The following COL5A1 variants were observed in gnomAD, a reference collection of about 807,000 sequenced individuals.
COL5A1 encodes the protein collagen type V alpha 1 chain.
Under a neutral mutation model 263.7 loss-of-function variants are expected in COL5A1, and 16 were observed. That is an observed-to-expected ratio of 0.06 (90% confidence interval 0.04 to 0.09). The LOEUF (loss-of-function observed/expected upper bound fraction) is 0.09. Among genes scored for constraint, COL5A1 ranks in the 10% least tolerant of loss-of-function variants. The pLI, the probability that COL5A1 is intolerant of heterozygous loss-of-function variation, is 1.00. For missense variants in COL5A1, 2,036 were observed against 2,540.5 expected, an observed-to-expected ratio of 0.80 and a Z score of 4.27; for synonymous variants, 1,012 against 1,004.5, an observed-to-expected ratio of 1.01 and a Z score of -0.14.
chr9:134,764,665 G>A (rs1171960790), intron 20 of COL5A1, among the ~76,000 whole-genome samples: 1 of 152,146 alleles, frequency 6.6e-6, no homozygotes, highest in Non-Finnish European at 1.5e-5. Context: ...GTCAGGTGGT[G>A]CTAATTGATG....
At chr9:134,804,270 G>A (rs890426290) in intron 39 of COL5A1, among the ~76,000 whole-genome samples, 6 of 152,174 alleles carry the variant, frequency 3.9e-5, no homozygotes, top group Admixed American at 6.5e-5. Flanking sequence ...TGACCTGCTC[G>A]TTTGAAAACA....
chr9:134,657,782 C>T (rs1832066929), intron 1 of COL5A1, among the ~76,000 whole-genome samples: 1 of 151,762 alleles, frequency 6.6e-6, no homozygotes, highest in Non-Finnish European at 1.5e-5. Flanking sequence ...TGGGACAGGA[C>T]CTGCCTGGAC....
chr9:134,737,855 T>A (rs1835159813), intron 9 of COL5A1, among the ~76,000 whole-genome samples: 1 of 151,778 alleles, frequency 6.6e-6, no homozygotes, highest in Non-Finnish European at 1.5e-5. Context: ...TGTGGTGAGG[T>A]GAGGGCCAGA....
At position 134,794,491 on chromosome 9, in the gene COL5A1, G is replaced by A. The variant is rs61326243; in HGVS notation, c.2701-591G>A. Among the ~76,000 whole-genome samples the A allele has an allele frequency of 0.064, 9,776 of 151,974 alleles. 471 individuals carry two copies. Among genetic ancestry groups the A allele is most frequent in the African/African-American group, 0.13 (5,212 of 41,314 alleles). ...TCTTTGCACTGCATTTGTTTTCTGT[G>A]GTTTGGAAAATGCAAAACAACAACA... On this transcript the variant is annotated intron_variant, in intron 32 of 65. Coordinates refer to ENST00000371817, the MANE Select transcript of COL5A1 (RefSeq NM_000093.5). This position sits in a 1 kb window ranked among gnomAD's most constrained non-coding sequence, Gnocchi z 4.3.
chr9:134,826,336 C>T (rs1209429206), intron 63 of COL5A1, among the ~76,000 whole-genome samples: 2 of 152,230 alleles, frequency 1.3e-5, no homozygotes, highest in African/African-American at 4.8e-5. Context: ...CAGCCTGTTT[C>T]TGTGGGTTGG....
In COL5A1 at chr9:134,754,404, C is replaced by A; in HGVS notation, c.1827+78C>A. ...AGCCCAAATCTGGGGTGCGGGCACC[C>A]CCAACAGCCAGCTGGGCCACATGAA... is the stretch of plus-strand genomic sequence containing the variant. On this transcript the variant is annotated intron_variant, in intron 16 of 65. Transcript: ENST00000371817. The surrounding 1 kb of genome is among the most constrained non-coding windows in gnomAD (Gnocchi z 4.3). 1 of 1,532,542 alleles carries A rather than the reference C, an allele frequency of 6.5e-7. No homozygotes were observed. Among genetic ancestry groups the A allele is most frequent in the Non-Finnish European group, 9.0e-7 (1 of 1,107,116 alleles). The allele number at this position is 1,532,542 out of a possible 1,614,324, so 94.9% of individuals were successfully genotyped here. A position where few individuals can be genotyped will look rare whatever the true frequency, so the allele number is the denominator to read the frequency against.
intron 18 of COL5A1, among the ~76,000 whole-genome samples, chr9:134,760,218 C>T (rs1836286990): frequency 7.9e-6 from 1 of 126,526 alleles, no homozygotes; most frequent in Non-Finnish European, 1.6e-5. Context: ...CACACATGCA[C>T]ACACCACATG....
chr9:134,662,621 C>G (rs1198431670), intron 1 of COL5A1, among the ~76,000 whole-genome samples: 1 of 152,166 alleles, frequency 6.6e-6, no homozygotes, highest in Non-Finnish European at 1.5e-5. Context: ...AGAGAGCAGC[C>G]CAGATGGAAG....
intron 11 of COL5A1, among the ~76,000 whole-genome samples, chr9:134,748,062 C>T (rs913886679): frequency 6.6e-6 from 1 of 152,100 alleles, no homozygotes; most frequent in African/African-American, 2.4e-5. Flanking sequence ...TGCATTCACA[C>T]ATGCACACAC....
intron 13 of COL5A1, 51 bp downstream of exon 13, chr9:134,750,933 A>G: frequency 1.4e-6 from 2 of 1,480,966 alleles, no homozygotes; most frequent in Non-Finnish European, 1.9e-6. Flanking sequence ...GCCCAGCCCC[A>G]GGGGCCAACA....
In COL5A1 at chr9:134,811,500, C is replaced by T. The variant is rs370349155; in HGVS notation, c.3591C>T (p.Asp1197=). The stretch of plus-strand genomic sequence containing the variant: ...CGGTTATTTCCCTGCAGGGAGCTGA[C>T]GGCGAGCCGGGGCCTCGGGGCCAGC... The part of the protein sequence containing the change: ...PIGQPGPSGA[D]GEPGPRGQQG... Residue 1197 remains aspartate (D), a synonymous_variant, in exon 46 of 66, where the codon GAC becomes GAT. Transcript: ENST00000371817. The T allele has an allele frequency of 4.9e-4, 791 of 1,612,822 alleles. No homozygotes were observed. Among genetic ancestry groups the T allele is most frequent in the Non-Finnish European group, 6.2e-4 (728 of 1,179,430 alleles).
Position 134,682,415 on chromosome 9 carries a change from G to C in COL5A1, c.110-8497G>C, listed in dbSNP as rs1395338731. ...GGTGAACATGGGGCAGAGAGATCGG[G>C]CTGGGCCAGCACACTTCCCCAGAGA... On this transcript the variant is annotated intron_variant, in intron 1 of 65. Coordinates refer to ENST00000371817, the MANE Select transcript of COL5A1 (RefSeq NM_000093.5). This position sits in a 1 kb window ranked among gnomAD's most constrained non-coding sequence, Gnocchi z 5.1. Among the ~76,000 whole-genome samples the C allele has an allele frequency of 6.6e-6, 1 of 152,190 alleles. No homozygotes were observed. Among genetic ancestry groups the C allele is most frequent in the African/African-American group, 2.4e-5 (1 of 41,434 alleles).
rs1832752099 is a variant in COL5A1 at position 134,678,820 on chromosome 9, T to C, written c.110-12092T>C. On this transcript the variant is annotated intron_variant, in intron 1 of 65. Transcript: ENST00000371817. This position sits in a 1 kb window ranked among gnomAD's most constrained non-coding sequence, Gnocchi z 5.5. ...GGAGCTAAATGCCGTTGGAACTGGG[T>C]GGCCCCTGAAGTGTCTGCTTTTTGC... 6.6e-6 allele frequency among the ~76,000 whole-genome samples: 1 copy of C among 152,278 alleles called. No homozygotes were observed. The highest frequency in any genetic ancestry group is 1.9e-4 in the East Asian group (1 of 5,172).
chr9:134,750,299 G>C (rs1835726769), intron 11 of COL5A1, among the ~76,000 whole-genome samples: 1 of 152,164 alleles, frequency 6.6e-6, no homozygotes, highest in African/African-American at 2.4e-5. Flanking sequence ...TCTATATCCA[G>C]CTCAGACCTC....
At chr9:134,687,494 C>A (rs1176458962) in intron 1 of COL5A1, among the ~76,000 whole-genome samples, 1 of 152,172 alleles carries the variant, frequency 6.6e-6, no homozygotes, top group African/African-American at 2.4e-5. Flanking sequence ...ATCCATCCAT[C>A]CATCCACCAT....
At chr9:134,645,300 C>T (rs1252448717) in intron 1 of COL5A1, among the ~76,000 whole-genome samples, 4 of 152,252 alleles carry the variant, frequency 2.6e-5, no homozygotes, top group African/African-American at 7.2e-5. Flanking sequence ...CTGCCCGTCC[C>T]GCCCTGCCTT....
chr9:134,811,433 C>A (rs568599193), intron 45 of COL5A1, 41 bp downstream of exon 45: 7 of 1,613,178 alleles, frequency 4.3e-6, no homozygotes, highest in Non-Finnish European at 4.2e-6. Context: ...AGCCCCACGC[C>A]CCCCCAGAGC....
chr9:134,829,965 T>C lies in COL5A1; in HGVS notation c.5068-11T>C. 1 of 1,612,406 alleles carries C rather than the reference T, an allele frequency of 6.2e-7. No individual in the cohort carries two copies. The highest frequency in any genetic ancestry group is 8.5e-7 in the Non-Finnish European group (1 of 1,179,456). ...TTTCTCTCCCTCCCCACCTCCCCGC[T>C]GCATGTTTAGGCCAGAATCACTTCT... On this transcript the variant is annotated splice_polypyrimidine_tract_variant and intron_variant, in intron 63 of 65. Transcript: ENST00000371817.
intron 65 of COL5A1, among the ~76,000 whole-genome samples, chr9:134,840,643 C>A (rs1339889476): frequency 6.6e-6 from 1 of 152,214 alleles, no homozygotes; most frequent in African/African-American, 2.4e-5. Context: ...CAAATCTCGC[C>A]AGCTGCGTGG....
Sources: allele counts gnomAD v4.1 joint callset (sites outside exome capture counted in the v4.1 genomes callset), GRCh38; gene constraint gnomAD v4.1.1; non-coding constraint Gnocchi (gnomAD v3.1); transcripts MANE v1.5; gene names NCBI Gene and HGNC (gene_info 2026-07-23, HGNC 2026-07-21).